PXDNL: variants seen among roughly 807,000 people sequenced by gnomAD.
PXDNL encodes the protein probable oxidoreductase PXDNL.
Under a neutral mutation model 150.8 loss-of-function variants are expected in PXDNL, and 145 were observed. The observed-to-expected ratio is 0.96, with a 90% CI of 0.84 to 1.10. PXDNL has a LOEUF of 1.10. Among genes scored for constraint, PXDNL ranks in the 50% least tolerant of loss-of-function variants. The pLI, the probability that PXDNL is intolerant of heterozygous loss-of-function variation, is 0.00. For missense variants in PXDNL, 2,087 were observed against 1,873.9 expected (o/e 1.11, Z -2.10); for synonymous variants, 757 against 725.7 (o/e 1.04, Z -0.69).
intron 17 of PXDNL, among the ~76,000 whole-genome samples, chr8:51,380,641 G>GTT (rs1336752055): frequency 1.3e-5 from 2 of 151,994 alleles, no homozygotes; most frequent in Non-Finnish European, 2.9e-5. Flanking sequence ...TATCCTTTCT[G>GTT]ATCTTTATCT....
chr8:51,775,610 C>G (rs1336878534), intron 1 of PXDNL, among the ~76,000 whole-genome samples: 1 of 152,196 alleles, frequency 6.6e-6, no homozygotes, highest in East Asian at 1.9e-4. Context: ...AATCTCTGAA[C>G]ATAAATTGTG....
intron 19 of PXDNL, among the ~76,000 whole-genome samples, chr8:51,355,514 G>A (rs1563371218): frequency 2.0e-5 from 3 of 152,110 alleles, no homozygotes; most frequent in African/African-American, 4.8e-5. Context: ...TTAATCGAGT[G>A]GTATAGTGTC....
chr8:51,395,388 C>G (rs1808050282), intron 17 of PXDNL, among the ~76,000 whole-genome samples: 1 of 152,120 alleles, frequency 6.6e-6, no homozygotes, highest in Non-Finnish European at 1.5e-5. Context: ...GCCTCTCCCT[C>G]AAATTCTGGT....
intron 14 of PXDNL, among the ~76,000 whole-genome samples, chr8:51,420,207 C>T (rs1808910228): frequency 6.6e-6 from 1 of 152,148 alleles, no homozygotes; most frequent in African/African-American, 2.4e-5. Context: ...CAACATTCTA[C>T]AATAACTAAG....
intron 19 of PXDNL, among the ~76,000 whole-genome samples, chr8:51,366,037 C>A (rs1806908324): frequency 6.6e-6 from 1 of 152,164 alleles, no homozygotes. Context: ...CATGAACACA[C>A]AAAATTACTT....
intron 1 of PXDNL, among the ~76,000 whole-genome samples, chr8:51,719,344 C>T (rs1455239825): frequency 7.9e-5 from 12 of 152,192 alleles, no homozygotes; most frequent in Admixed American, 7.2e-4. Context: ...ACCTTACCCC[C>T]AACCTGGTGC....
At chr8:51,491,562 A>C (rs1453758556) in intron 5 of PXDNL, among the ~76,000 whole-genome samples, 1 of 152,202 alleles carries the variant, frequency 6.6e-6, no homozygotes, top group Non-Finnish European at 1.5e-5. Context: ...ATGGATCCCA[A>C]GCTAAGAAGT....
intron 21 of PXDNL, among the ~76,000 whole-genome samples, chr8:51,328,185 G>A (rs984331678): frequency 1.3e-5 from 2 of 152,196 alleles, no homozygotes; most frequent in African/African-American, 4.8e-5. Context: ...CAGCTGTCCT[G>A]GGTCTTCAGC....
In PXDNL at chr8:51,696,606, C is replaced by A. The variant is rs980856153; in HGVS notation, c.165-41846G>T. On this transcript the variant is annotated intron_variant, in intron 1 of 22. Coordinates refer to ENST00000356297, the MANE Select transcript of PXDNL (RefSeq NM_144651.5). Reference sequence around the variant, plus strand: ...TCAAGGCCCATGACTTTCTCTGTGCCGACAGGAAACACACAGATCCATTCA... The same window carrying A: ...TCAAGGCCCATGACTTTCTCTGTGCAGACAGGAAACACACAGATCCATTCA... 4.0e-5 allele frequency among the ~76,000 whole-genome samples: 5 copies of A among 124,244 alleles called. No individual in the cohort carries two copies. In the South Asian group the frequency reaches 1.3e-3, roughly 32 times the overall value. The allele number at this position is 124,244 out of a possible 152,430, so 81.5% of individuals were successfully genotyped here.
At chr8:51,644,552 C>T (rs1361269217) in intron 2 of PXDNL, among the ~76,000 whole-genome samples, 8 of 150,800 alleles carry the variant, frequency 5.3e-5, no homozygotes, top group Admixed American at 2.7e-4. Flanking sequence ...CTCCACCTCC[C>T]AGGTTCACGC....
At chr8:51,745,143 T>C (rs1341518506) in intron 1 of PXDNL, among the ~76,000 whole-genome samples, 1 of 152,192 alleles carries the variant, frequency 6.6e-6, no homozygotes, top group Non-Finnish European at 1.5e-5. Flanking sequence ...ATTTGTTATT[T>C]TGTCATCTAT....
chr8:51,695,500 A>T (rs1816100213), intron 1 of PXDNL, among the ~76,000 whole-genome samples: 1 of 152,028 alleles, frequency 6.6e-6, no homozygotes, highest in South Asian at 2.1e-4. Flanking sequence ...GCACGCACGC[A>T]TACTTCTTGT....
intron 1 of PXDNL, among the ~76,000 whole-genome samples, chr8:51,667,436 C>G (rs145127756): frequency 6.6e-6 from 1 of 152,216 alleles, no homozygotes; most frequent in Admixed American, 6.5e-5. Context: ...TAACTTTACA[C>G]GTGGTGAAAA....
chr8:51,527,676 T>C (rs915156881), intron 4 of PXDNL, among the ~76,000 whole-genome samples: 2 of 152,154 alleles, frequency 1.3e-5, no homozygotes, highest in African/African-American at 4.8e-5. Flanking sequence ...CCAACACAGG[T>C]CTGGATCTCA....
intron 2 of PXDNL, among the ~76,000 whole-genome samples, chr8:51,618,512 G>A (rs1401396877): frequency 1.3e-5 from 2 of 152,198 alleles, no homozygotes; most frequent in African/African-American, 2.4e-5. Flanking sequence ...CATGGTTCAT[G>A]TTTTAGCTCT....
At chr8:51,644,608 T>C (rs1290643646) in intron 2 of PXDNL, among the ~76,000 whole-genome samples, 1 of 87,806 alleles carries the variant, frequency 1.1e-5, no homozygotes, top group African/African-American at 4.2e-5. Context: ...TACAAGCTCC[T>C]GCCACCGCGC....
At chr8:51,606,897 T>C (rs1813846820) in intron 2 of PXDNL, among the ~76,000 whole-genome samples, 1 of 152,196 alleles carries the variant, frequency 6.6e-6, no homozygotes, top group Non-Finnish European at 1.5e-5. Flanking sequence ...CTGTGGCTCA[T>C]ACATGTGGTT....
At chr8:51,775,572 T>G (rs1283198576) in intron 1 of PXDNL, among the ~76,000 whole-genome samples, 1 of 152,230 alleles carries the variant, frequency 6.6e-6, no homozygotes, top group Non-Finnish European at 1.5e-5. Flanking sequence ...TTAATACTTT[T>G]ATAATTTCTT....
chr8:51,805,614 G>T (rs1003505942), intron 1 of PXDNL, among the ~76,000 whole-genome samples: 1 of 151,786 alleles, frequency 6.6e-6, no homozygotes, highest in Admixed American at 6.6e-5. Flanking sequence ...TGTTCCTCAA[G>T]TTTTCTATTA....
Sources: allele counts gnomAD v4.1 joint callset (sites outside exome capture counted in the v4.1 genomes callset), GRCh38; gene constraint gnomAD v4.1.1; transcripts MANE v1.5; gene names NCBI Gene and HGNC (gene_info 2026-07-23, HGNC 2026-07-21).